The following ANO4 variants were observed in gnomAD, a reference collection of about 807,000 sequenced individuals.
The protein encoded by ANO4 is anoctamin-4.
In ANO4, 69 loss-of-function variants were observed where a neutral mutation model predicts 141.9. The ratio of observed to expected loss-of-function variants is 0.49; its 90% confidence interval spans 0.40 to 0.59. The LOEUF (loss-of-function observed/expected upper bound fraction) is 0.59, where lower values mean the gene tolerates loss of function less well. Ranked by LOEUF, ANO4 falls within the 20% of genes least tolerant of loss-of-function variation. ANO4 has a pLI of 0.00. For synonymous variants in ANO4, 350 were observed against 394.3 expected, an observed-to-expected ratio of 0.89 and a Z score of 1.33; for missense variants, 894 against 1,162.2, an observed-to-expected ratio of 0.77 and a Z score of 3.36.
intron 2 of ANO4, among the ~76,000 whole-genome samples, chr12:100,914,993 A>ATT (rs143409160): frequency 4.0e-5 from 6 of 150,722 alleles, no homozygotes; most frequent in Non-Finnish European, 8.9e-5. Context: ...TTTATTTTAT[A>ATT]TTTTTTTTTA....
chr12:101,000,697 G>A (rs1324491553), intron 8 of ANO4, among the ~76,000 whole-genome samples: 2 of 152,090 alleles, frequency 1.3e-5, no homozygotes, highest in African/African-American at 2.4e-5. Context: ...AAAAAGCCAC[G>A]CATCTTGAGA....
chr12:100,868,532 C>T (rs1167734239), intron 1 of ANO4, among the ~76,000 whole-genome samples: 2 of 152,094 alleles, frequency 1.3e-5, no homozygotes, highest in Non-Finnish European at 2.9e-5. Flanking sequence ...AGTTAAATGC[C>T]GCCAACCAGT....
intron 5 of ANO4, among the ~76,000 whole-genome samples, chr12:100,948,186 G>C (rs1312625685): frequency 6.7e-6 from 1 of 148,562 alleles, no homozygotes; most frequent in Non-Finnish European, 1.5e-5. Flanking sequence ...AAAGTTAGGA[G>C]ACAGGCTGAG....
chr12:100,852,906 CA>C (rs1160233207), intron 1 of ANO4, among the ~76,000 whole-genome samples: 1 of 152,194 alleles, frequency 6.6e-6, no homozygotes, highest in African/African-American at 2.4e-5. Context: ...CGATAACACT[CA>C]AAGTTAGCAA....
chr12:100,730,403 A>C (rs976227147), intron 1 of ANO4, among the ~76,000 whole-genome samples: 5 of 152,174 alleles, frequency 3.3e-5, no homozygotes, highest in African/African-American at 1.2e-4. Flanking sequence ...CCATGTTCAA[A>C]GAGGTTATGT....
At chr12:101,002,611 T>C (rs2045697221) in intron 8 of ANO4, among the ~76,000 whole-genome samples, 1 of 152,196 alleles carries the variant, frequency 6.6e-6, no homozygotes, top group African/African-American at 2.4e-5. Flanking sequence ...TCTTTGGTAA[T>C]ATCCTGTTCT....
chr12:100,766,943 CCT>C (rs1172363774), intron 3 of ANO4, among the ~76,000 whole-genome samples: 2 of 152,070 alleles, frequency 1.3e-5, no homozygotes, highest in African/African-American at 4.8e-5. Context: ...GATGAATTGA[CCT>C]CTTTATCATC....
At chr12:100,899,369 G>A (rs1384226867) in intron 1 of ANO4, among the ~76,000 whole-genome samples, 1 of 152,186 alleles carries the variant, frequency 6.6e-6, no homozygotes, top group Non-Finnish European at 1.5e-5. Context: ...ACACTAGCGT[G>A]AAAACTCTCT....
chr12:100,998,415 C>CTAT (rs3059314), intron 8 of ANO4, among the ~76,000 whole-genome samples: 5 of 151,694 alleles, frequency 3.3e-5, no homozygotes, highest in African/African-American at 7.3e-5. Flanking sequence ...ATCTATCTAT[C>CTAT]CATCCTATTA....
intron 20 of ANO4, 59 bp from the exon 21 acceptor site, chr12:101,097,789 C>A (rs1383602331): frequency 1.2e-6 from 2 of 1,605,594 alleles, no homozygotes; most frequent in East Asian, 2.2e-5. Flanking sequence ...GATTATAAAC[C>A]AGACACCCTT....
At position 101,040,048 on chromosome 12, in the gene ANO4, T is replaced by C. The variant is rs774593125; in HGVS notation, c.991T>C (p.Tyr331His). 1 of 1,612,364 alleles carries C rather than the reference T, an allele frequency of 6.2e-7. No individual in the cohort carries two copies. Among genetic ancestry groups the C allele is most frequent in the South Asian group, 1.1e-5 (1 of 90,866 alleles). ...YECWASWGVWYKYQPLDLVRR... is the reference protein window; with the variant it reads ...YECWASWGVWHKYQPLDLVRR... ...GTGCTGGGCCTCCTGGGGCGTGTGGTATAAATACCAACCTTTGGATCTTGT... is the reference window on the plus strand; with the variant it reads ...GTGCTGGGCCTCCTGGGGCGTGTGGCATAAATACCAACCTTTGGATCTTGT... Residue 331 changes from tyrosine (Y) to histidine (H), a missense_variant, in exon 11 of 28, where the codon TAT (tyrosine) becomes CAT (histidine). By Grantham distance (83) the Tyr-to-His change is moderately conservative. Coordinates refer to ENST00000392977, the MANE Select transcript of ANO4 (RefSeq NM_001286615.2).
At chr12:100,718,180 C>T (rs149722467) in intron 1 of ANO4, among the ~76,000 whole-genome samples, 265 of 152,280 alleles carry the variant, frequency 1.7e-3, no homozygotes, top group African/African-American at 6.2e-3. Context: ...TGTGGTATTG[C>T]ATGGTTCTGA....
intron 1 of ANO4, among the ~76,000 whole-genome samples, chr12:100,898,167 A>G (rs1188079182): frequency 1.3e-5 from 2 of 152,240 alleles, no homozygotes; most frequent in Non-Finnish European, 2.9e-5. Context: ...AATGATCAAT[A>G]TCGAGTGTGG....
intron 15 of ANO4, among the ~76,000 whole-genome samples, chr12:101,079,550 T>C (rs1323904428): frequency 6.6e-6 from 1 of 152,108 alleles, no homozygotes; most frequent in Non-Finnish European, 1.5e-5. Context: ...GCTTTTTTTT[T>C]CCATTTTCTT....
At chr12:100,759,542 G>A (rs1399955978) in intron 3 of ANO4, among the ~76,000 whole-genome samples, 3 of 152,164 alleles carry the variant, frequency 2.0e-5, no homozygotes, top group African/African-American at 7.2e-5. Context: ...AGCTAACTTG[G>A]TAAGACCCGA....
chr12:100,843,778 A>G (rs193278518), intron 1 of ANO4, among the ~76,000 whole-genome samples: 196 of 152,326 alleles, frequency 1.3e-3, no homozygotes, highest in Non-Finnish European at 1.9e-3. Flanking sequence ...ATAGAGTGGA[A>G]TGGAATAATC....
At chr12:100,926,967 G>A (rs968434647) in intron 3 of ANO4, among the ~76,000 whole-genome samples, 1 of 152,106 alleles carries the variant, frequency 6.6e-6, no homozygotes, top group Admixed American at 6.6e-5. Context: ...AAGGAACTTA[G>A]GAGTCTCTGG....
chr12:100,880,847 C>G (rs2039531264), intron 1 of ANO4, among the ~76,000 whole-genome samples: 1 of 152,130 alleles, frequency 6.6e-6, no homozygotes, highest in Admixed American at 6.6e-5. Context: ...TTGAAGATAT[C>G]TATGCATGGA....
intron 8 of ANO4, among the ~76,000 whole-genome samples, chr12:101,002,796 A>G (rs889437634): frequency 6.6e-6 from 1 of 152,188 alleles, no homozygotes; most frequent in Admixed American, 6.5e-5. Flanking sequence ...ACAAAGCCCA[A>G]TTCAGCAGCC....
Sources: allele counts gnomAD v4.1 joint callset (sites outside exome capture counted in the v4.1 genomes callset), GRCh38; gene constraint gnomAD v4.1.1; transcripts MANE v1.5; gene names NCBI Gene and HGNC (gene_info 2026-07-23, HGNC 2026-07-21).